The following EFNA5 variants were observed in gnomAD, a reference collection of about 807,000 sequenced individuals.
EFNA5 encodes ephrin A5, also known as ephrin-A5.
A neutral mutation model predicts 22.9 loss-of-function variants in EFNA5; 5 were observed. That is an observed-to-expected ratio of 0.22 (90% CI 0.11 to 0.46). EFNA5 has a LOEUF of 0.46. Ranked by LOEUF, EFNA5 falls within the 20% of genes least tolerant of loss-of-function variation. The probability of loss-of-function intolerance (pLI) is 0.99; values close to 1 mark genes in which losing one functional copy is unlikely to be tolerated. For missense variants in EFNA5, 237 were observed against 293.3 expected (o/e 0.81, Z 1.40); for synonymous variants, 113 against 112.2 (o/e 1.01, Z -0.04).
intron 1 of EFNA5, among the ~76,000 whole-genome samples, chr5:107,492,068 C>A (rs1348844101): frequency 6.6e-6 from 1 of 152,144 alleles, no homozygotes; most frequent in African/African-American, 2.4e-5. Flanking sequence ...CTCTTGGCCT[C>A]AAGTAATCTG....
chr5:107,573,504 A>T (rs1317310265), intron 1 of EFNA5, among the ~76,000 whole-genome samples: 4 of 151,814 alleles, frequency 2.6e-5, no homozygotes, highest in Non-Finnish European at 5.9e-5. Context: ...CAAGCAGAAG[A>T]CTGTCCAGGT....
Position 107,378,277 on chromosome 5 carries a change from C to A in EFNA5, c.*2978G>T, listed in dbSNP as rs1229533704. On this transcript the variant is annotated 3_prime_UTR_variant, in exon 5 of 5. Transcript: ENST00000333274. ...AAACAATAGTCTAAACTAACACGAA[C>A]TGTTACCTGGTCTATTAAAGGATAC... The A allele has an allele frequency of 3.3e-5, 5 of 150,992 alleles. No individual in the cohort carries two copies. Among genetic ancestry groups the A allele is most frequent in the Admixed American group, 3.3e-4 (5 of 15,118 alleles). The allele number at this position is 150,992 out of a possible 1,614,324, so 9.4% of individuals were successfully genotyped here. A position where few individuals can be genotyped will look rare whatever the true frequency, so the allele number is the denominator to read the frequency against.
intron 1 of EFNA5, among the ~76,000 whole-genome samples, chr5:107,546,685 CA>C (rs1748165288): frequency 8.6e-6 from 1 of 115,648 alleles, no homozygotes; most frequent in Non-Finnish European, 1.8e-5. Flanking sequence ...CACACACACA[CA>C]CTCTCACCCC....
chr5:107,552,385 C>T (rs1748319020), intron 1 of EFNA5, among the ~76,000 whole-genome samples: 1 of 152,072 alleles, frequency 6.6e-6, no homozygotes, highest in African/African-American at 2.4e-5. Context: ...TCACTTGATC[C>T]CCAAGTGACC....
intron 1 of EFNA5, among the ~76,000 whole-genome samples, chr5:107,631,310 C>G (rs1306243391): frequency 6.6e-6 from 1 of 151,394 alleles, no homozygotes; most frequent in Non-Finnish European, 1.5e-5. Context: ...CTCTCATATG[C>G]CCTGTCCTTT....
intron 1 of EFNA5, among the ~76,000 whole-genome samples, chr5:107,498,928 G>C (rs779300542): frequency 5.0e-4 from 74 of 147,526 alleles, no homozygotes; most frequent in Non-Finnish European, 8.8e-4. Flanking sequence ...TGTGTCGTTG[G>C]GGCCTGTGCT....
intron 2 of EFNA5, among the ~76,000 whole-genome samples, chr5:107,389,064 T>C (rs1322559595): frequency 2.6e-5 from 4 of 152,218 alleles, no homozygotes; most frequent in Non-Finnish European, 5.9e-5. Context: ...GGGTCCCCAG[T>C]GTCCCTATTC....
intron 1 of EFNA5, among the ~76,000 whole-genome samples, chr5:107,552,696 T>A (rs889167593): frequency 2.6e-5 from 4 of 152,252 alleles, no homozygotes; most frequent in Non-Finnish European, 5.9e-5. Context: ...CTCTGTATAT[T>A]CATGGAGCTC....
chr5:107,408,910 T>C (rs1748292322), intron 2 of EFNA5, among the ~76,000 whole-genome samples: 1 of 152,176 alleles, frequency 6.6e-6, no homozygotes, highest in South Asian at 2.1e-4. Flanking sequence ...AAATACAAAA[T>C]TTGAAAATGT....
chr5:107,471,299 T>G (rs138610060), intron 1 of EFNA5, among the ~76,000 whole-genome samples: 1 of 152,298 alleles, frequency 6.6e-6, no homozygotes, highest in East Asian at 1.9e-4. Context: ...TCCCCCTTTT[T>G]GCCTCCAATT....
intron 2 of EFNA5, among the ~76,000 whole-genome samples, chr5:107,416,993 T>C (rs1748520528): frequency 6.8e-6 from 1 of 147,014 alleles, no homozygotes; most frequent in Admixed American, 6.9e-5. Flanking sequence ...AATGAACTTT[T>C]AAAAATGTCT....
At chr5:107,597,589 AGG>A (rs549999448) in intron 1 of EFNA5, among the ~76,000 whole-genome samples, 127 of 152,304 alleles carry the variant, frequency 8.3e-4, no homozygotes, top group Admixed American at 1.7e-3. Context: ...GGCTAGAGAA[AGG>A]GGGGAGAGAA....
intron 1 of EFNA5, among the ~76,000 whole-genome samples, chr5:107,457,149 G>T (rs1401011835): frequency 6.6e-6 from 1 of 152,148 alleles, no homozygotes; most frequent in Non-Finnish European, 1.5e-5. Context: ...ATTTTTAACA[G>T]ATGTAAAGTG....
At chr5:107,443,843 G>A (rs1005198547) in intron 1 of EFNA5, among the ~76,000 whole-genome samples, 10 of 152,088 alleles carry the variant, frequency 6.6e-5, no homozygotes, top group African/African-American at 2.2e-4. Context: ...AAACCTGCAC[G>A]TTCAGCACAT....
chr5:107,410,518 C>T (rs1399749387), intron 2 of EFNA5, among the ~76,000 whole-genome samples: 2 of 152,008 alleles, frequency 1.3e-5, no homozygotes, highest in African/African-American at 4.8e-5. Context: ...AATAATCTAA[C>T]CTAATCCATG....
chr5:107,564,660 C>T (rs961349835), intron 1 of EFNA5, among the ~76,000 whole-genome samples: 1 of 126,868 alleles, frequency 7.9e-6, no homozygotes, highest in Non-Finnish European at 1.6e-5. Context: ...TTGATCCTAA[C>T]AGCCCCATCT....
At position 107,619,176 on chromosome 5, in the gene EFNA5, C is replaced by T. The variant is rs558749470; in HGVS notation, c.125+51313G>A. Among the ~76,000 whole-genome samples, 11 of 152,038 alleles carry T rather than the reference C, an allele frequency of 7.2e-5. 1 individual carries two copies. The highest frequency in any genetic ancestry group is 2.7e-4 in the African/African-American group (11 of 41,482). The stretch of plus-strand genomic sequence containing the variant: ...TCCTGACCTCGTGATCCACCCACCT[C>T]GGCCTCCCAAAGTGCTGGGATTACA... On this transcript the variant is annotated intron_variant, in intron 1 of 4. Transcript: ENST00000333274.
chr5:107,617,731 A>T (rs569119987), intron 1 of EFNA5, among the ~76,000 whole-genome samples: 36 of 152,272 alleles, frequency 2.4e-4, no homozygotes, highest in Non-Finnish European at 4.6e-4. Flanking sequence ...GCAATGCAGG[A>T]TTTGGACTGA....
intron 1 of EFNA5, among the ~76,000 whole-genome samples, chr5:107,632,912 G>A (rs931475917): frequency 2.0e-5 from 3 of 152,072 alleles, no homozygotes; most frequent in Non-Finnish European, 4.4e-5. Context: ...CACCAAGATT[G>A]CATTGTAGAA....
Sources: allele counts gnomAD v4.1 joint callset (sites outside exome capture counted in the v4.1 genomes callset), GRCh38; gene constraint gnomAD v4.1.1; transcripts MANE v1.5; gene names NCBI Gene and HGNC (gene_info 2026-07-23, HGNC 2026-07-21).